GBA1: variants seen among roughly 807,000 people sequenced by gnomAD.
GBA1 encodes the protein lysosomal acid glucosylceramidase.
At chr1:155,241,365 T>TTA in the GBA1 span, 4 of 594,916 alleles carry the variant, frequency 6.7e-6, no homozygotes, top group South Asian at 8.2e-5. Flanking sequence ...CTGTTACAGA[T>TTA]TATATGCCCT....
the GBA1 span, among the ~76,000 whole-genome samples, chr1:155,241,782 T>G: frequency 6.6e-6 from 1 of 152,086 alleles, no homozygotes; most frequent in Non-Finnish European, 1.5e-5. Flanking sequence ...TATTAGCCAG[T>G]GAAGTGCAGG....
the GBA1 span, chr1:155,237,727 C>G: frequency 6.6e-7 from 1 of 1,506,848 alleles, no homozygotes; most frequent in South Asian, 1.2e-5. Context: ...CCTGGCGAAA[C>G]CCCGTCTCTA....
At chr1:155,236,249 A>G in the GBA1 span, 10 of 1,613,552 alleles carry the variant, frequency 6.2e-6, no homozygotes, top group South Asian at 1.1e-5. Context: ...GCTTACCGTG[A>G]TGATGCTGTG....
At chr1:155,239,010 A>C in the GBA1 span, 1 of 346,520 alleles carries the variant, frequency 2.9e-6, no homozygotes, top group Non-Finnish European at 5.6e-6. Flanking sequence ...CGAGGTCAGG[A>C]GTTCGCAATC....
At chr1:155,240,659 A>G in the GBA1 span, 1 of 1,613,740 alleles carries the variant, frequency 6.2e-7, no homozygotes, top group Non-Finnish European at 8.5e-7. Flanking sequence ...CTGAAGTAGA[A>G]GCAATCCTGT....
the GBA1 span, chr1:155,236,396 G>A: frequency 1.2e-6 from 2 of 1,614,168 alleles, no homozygotes; most frequent in Non-Finnish European, 1.7e-6. Context: ...GGCTTTGGCT[G>A]GAGCCAGAAA....
At chr1:155,242,180 C>A in the GBA1 span, among the ~76,000 whole-genome samples, 2 of 152,186 alleles carry the variant, frequency 1.3e-5, no homozygotes, top group Non-Finnish European at 1.5e-5. Flanking sequence ...TGCCTGACCA[C>A]TTGGTAGGCA....
At chr1:155,238,114 C>A in the GBA1 span, 11 of 1,613,504 alleles carry the variant, frequency 6.8e-6, no homozygotes, top group Non-Finnish European at 7.6e-6. Context: ...CCTGATCCCA[C>A]ATCCTTGCTG....
the GBA1 span, chr1:155,240,699 T>C: frequency 2.5e-5 from 40 of 1,613,624 alleles, no homozygotes; most frequent in South Asian, 3.5e-4. Context: ...CTTACCCTAC[T>C]CAAAGGCTTG....
At chr1:155,236,619 A>C in the GBA1 span, 2 of 711,500 alleles carry the variant, frequency 2.8e-6, no homozygotes, top group Non-Finnish European at 5.0e-6. Context: ...ACAGGATGTC[A>C]CTCTGTCACT....
At chr1:155,239,466 G>T in the GBA1 span, 7 of 840,420 alleles carry the variant, frequency 8.3e-6, no homozygotes, top group Non-Finnish European at 1.4e-5. Flanking sequence ...GGGAGGCAGA[G>T]GTTGCTGTGA....
At chr1:155,236,855 C>T in the GBA1 span, among the ~76,000 whole-genome samples, 16 of 151,914 alleles carry the variant, frequency 1.1e-4, no homozygotes, top group African/African-American at 3.6e-4. Context: ...CCACCCCCAG[C>T]CTAGATAGTT....
chr1:155,238,443 A>C, the GBA1 span: 1 of 1,461,962 alleles, frequency 6.8e-7, no homozygotes, highest in Non-Finnish European at 9.4e-7. Context: ...TGTCTGTACA[A>C]GCAGACCTAC....
At chr1:155,240,654 G>C in the GBA1 span, 1 of 1,613,710 alleles carries the variant, frequency 6.2e-7, no homozygotes, top group Non-Finnish European at 8.5e-7. Flanking sequence ...ACTGCCTGAA[G>C]TAGAAGCAAT....
At chr1:155,235,949 C>T in the GBA1 span, 2 of 1,321,218 alleles carry the variant, frequency 1.5e-6, no homozygotes, top group East Asian at 2.3e-5. Context: ...GTAGGTCAGC[C>T]CTGTGAGGGG....
At chr1:155,241,150 G>T in the GBA1 span, 3 of 1,606,318 alleles carry the variant, frequency 1.9e-6, no homozygotes, top group Non-Finnish European at 2.6e-6. Flanking sequence ...GACCACAGGG[G>T]TTCCAGAGTC....
chr1:155,238,773 T>C, the GBA1 span: 2 of 1,562,688 alleles, frequency 1.3e-6, no homozygotes, highest in Non-Finnish European at 1.8e-6. Flanking sequence ...GGCTCCTGGG[T>C]TGGAACCTGT....
At chr1:155,237,163 C>T in the GBA1 span, among the ~76,000 whole-genome samples, 3 of 152,288 alleles carry the variant, frequency 2.0e-5, no homozygotes, top group South Asian at 6.2e-4. Flanking sequence ...AGCCACCTCG[C>T]CCAGCCCCTA....
the GBA1 span, among the ~76,000 whole-genome samples, chr1:155,239,058 A>T: frequency 6.6e-6 from 1 of 151,928 alleles, no homozygotes; most frequent in Non-Finnish European, 1.5e-5. Context: ...CTCTACTAAA[A>T]ATACAAAAAA....
Sources: gnomAD v4.1 joint callset for allele counts (sites outside exome capture counted in the v4.1 genomes callset) on GRCh38, gnomAD v4.1.1 for gene constraint, MANE v1.5 for transcripts, NCBI Gene and HGNC (gene_info 2026-07-23, HGNC 2026-07-21) for gene names.